The following STAT6 variants were observed in gnomAD, a reference collection of about 807,000 sequenced individuals.
STAT6 encodes the protein signal transducer and activator of transcription 6, also known as STAT, interleukin4-induced.
STAT6 carries 45 observed loss-of-function variants against 106.3 expected under a neutral mutation model. The observed-to-expected ratio is 0.42, with a 90% confidence interval of 0.33 to 0.54. The LOEUF (loss-of-function observed/expected upper bound fraction) is 0.54, where lower values mean the gene tolerates loss of function less well. Among genes scored for constraint, STAT6 ranks in the 20% least tolerant of loss-of-function variants. STAT6 has a pLI of 0.06. For missense variants in STAT6, 797 were observed against 1,062.2 expected (o/e 0.75, Z 3.47); for synonymous variants, 413 against 413.6 (o/e 1.00, Z 0.02).
At chr12:57,109,152 A>C (rs2034448044) in intron 1 of STAT6, among the ~76,000 whole-genome samples, 1 of 152,200 alleles carries the variant, frequency 6.6e-6, no homozygotes, top group Non-Finnish European at 1.5e-5. Context: ...CAGTGAGCAG[A>C]GATCGAGCCA....
chr12:57,098,645 C>A, intron 18 of STAT6, 48 bp from the exon 19 acceptor site: 1 of 1,590,508 alleles, frequency 6.3e-7, no homozygotes, highest in Non-Finnish European at 8.6e-7. Flanking sequence ...CTCCTGGACA[C>A]CACCACACCC....
Position 57,107,217 on chromosome 12 carries a change from G to A in STAT6, c.339+14C>T. On this transcript the variant is annotated intron_variant, in intron 4 of 21. Coordinates refer to ENST00000300134, the MANE Select transcript of STAT6 (RefSeq NM_003153.5). ...GGGGATTGAGTTGGGGTGGGAGGTG[G>A]AATATCACAATACCTGTTCCATAAC... 1 of 1,612,234 alleles carries A rather than the reference G, an allele frequency of 6.2e-7. No homozygotes were observed.
chr12:57,100,684 GAAAGAA>G (rs1451830778), intron 13 of STAT6, among the ~76,000 whole-genome samples: 1 of 66,132 alleles, frequency 1.5e-5, no homozygotes, highest in Non-Finnish European at 3.0e-5. Flanking sequence ...AAGAAAGAAA[GAAAGAA>G]AGAAAGAAAG....
In STAT6 at chr12:57,096,913, T is replaced by A; in HGVS notation, c.2291A>T (p.Asp764Val). 6.2e-7 allele frequency: 1 copy of A among 1,614,140 alleles called. No individual in the cohort carries two copies. Among genetic ancestry groups the A allele is most frequent in the Non-Finnish European group, 8.5e-7 (1 of 1,180,026 alleles). The change falls in exon 21 of 22, where the codon GAT becomes GTT. Residue 764 changes from aspartate to valine, a missense_variant. Asp to Val is a radical substitution (Grantham distance 152, BLOSUM62 -3). Around this residue, in one of 4 missense-constraint regions of STAT6, gnomAD observed 226 missense variants for 236.7 expected, o/e 0.95. Transcript: ENST00000300134. ...GCAGCTGTCTTCCACCATGGTCACA[T>A]CTGAGCAGAGCAGGGGGTCAGGGCT... ...VSSPDPLLCSDVTMVEDSCLS... is the reference protein window; with the variant it reads ...VSSPDPLLCSVVTMVEDSCLS...
Position 57,099,139 on chromosome 12 carries a change from G to A in STAT6, c.1892-61C>T. ...CTGGGGTTAGGGAGGAAGGGAGGTG[G>A]AAAAGGTGGGCATGGATCATGGGGA... On this transcript the variant is annotated intron_variant, in intron 16 of 21. Coordinates refer to ENST00000300134, the MANE Select transcript of STAT6 (RefSeq NM_003153.5). This position sits in a 1 kb window ranked among gnomAD's most constrained non-coding sequence, Gnocchi z 4.7. The A allele has an allele frequency of 6.2e-7, 1 of 1,606,550 alleles. No homozygotes were observed. The highest frequency in any genetic ancestry group is 8.5e-7 in the Non-Finnish European group (1 of 1,174,364).
Position 57,107,290 on chromosome 12 carries a change from T to A in STAT6, c.280A>T (p.Lys94Ter). The A allele has an allele frequency of 6.2e-7, 1 of 1,614,212 alleles. No individual in the cohort carries two copies. Among genetic ancestry groups the A allele is most frequent in the Non-Finnish European group, 8.5e-7 (1 of 1,180,034 alleles). ...LESIYQRDPL[K>*]LVATFRQILQ... ...ATTTGTCTGAAAGTGGCCACCAGCT[T>A]CAGGGGGTCCCTCTGATATATGCTC... Residue 94 changes from lysine to a stop codon, truncating the protein, a stop_gained, in exon 4 of 22, where the codon AAG becomes TAG. Transcript: ENST00000300134. LOFTEE classifies it high-confidence loss of function.
chr12:57,100,708 A>AAG (rs1565684780), intron 13 of STAT6: 226 of 53,196 alleles, frequency 4.2e-3, no homozygotes, highest in Non-Finnish European at 4.4e-3. Context: ...AAGAGAAAGA[A>AAG]AGAAAGAAAG....
chr12:57,108,401 TC>T, intron 1 of STAT6, 102 bp from the exon 2 acceptor site: 1 of 652,618 alleles, frequency 1.5e-6, no homozygotes, highest in Non-Finnish European at 2.8e-6. Context: ...CTAGGGACCG[TC>T]CCCACCACCA....
At chr12:57,101,930 C>T (rs2033960601) in intron 13 of STAT6, among the ~76,000 whole-genome samples, 1 of 152,160 alleles carries the variant, frequency 6.6e-6, no homozygotes, top group African/African-American at 2.4e-5. Flanking sequence ...ATGTCAAAGA[C>T]TGGGATTACA....
At chr12:57,109,141 G>C (rs1448055755) in intron 1 of STAT6, among the ~76,000 whole-genome samples, 1 of 152,152 alleles carries the variant, frequency 6.6e-6, no homozygotes, top group Non-Finnish European at 1.5e-5. Flanking sequence ...GGCGGAGCTT[G>C]CAGTGAGCAG....
rs1052395101 is a variant in STAT6, at chr12:57,104,488, G to A, written c.1188C>T (p.Pro396=). The change falls in exon 11 of 22, where the codon CCC becomes CCT. Residue 396 remains proline, a synonymous_variant. Transcript: ENST00000300134. ...CCTGGAGCTGGATGGGGAGTTTGCCGGGGCCAAGTGTGAAGCTGGCAGAGA... is the reference window on the plus strand; with the variant it reads ...CCTGGAGCTGGATGGGGAGTTTGCCAGGGCCAAGTGTGAAGCTGGCAGAGA... The part of the protein sequence containing the change: ...VLFSASFTLG[P]GKLPIQLQAL... 4.0e-5 allele frequency: 65 copies of A among 1,610,630 alleles called. No homozygotes were observed. The highest frequency in any genetic ancestry group is 1.1e-4 in the African/African-American group (8 of 74,998).
At position 57,097,146 on chromosome 12, in the gene STAT6, A is replaced by G; in HGVS notation, c.2160-13T>C. 4.6e-6 allele frequency: 7 copies of G among 1,507,870 alleles called. No homozygotes were observed. Among genetic ancestry groups the G allele is most frequent in the Non-Finnish European group, 6.2e-6 (7 of 1,128,984 alleles). The allele number at this position is 1,507,870 out of a possible 1,614,324, so 93.4% of individuals were successfully genotyped here. A position where few individuals can be genotyped will look rare whatever the true frequency, so the allele number is the denominator to read the frequency against. ...CTGCAGGTGAGGCCTGGAAGTAGGGAGAGCACAGTTAGAGGAAGGCAGGCT... is the reference window on the plus strand; with the variant it reads ...CTGCAGGTGAGGCCTGGAAGTAGGGGGAGCACAGTTAGAGGAAGGCAGGCT... On this transcript the variant is annotated splice_polypyrimidine_tract_variant and intron_variant, in intron 19 of 21. Coordinates refer to ENST00000300134, the MANE Select transcript of STAT6 (RefSeq NM_003153.5).
chr12:57,098,366 C>G (rs574677228), intron 19 of STAT6, 139 bp downstream of exon 19: 337 of 871,486 alleles, frequency 3.9e-4, no homozygotes, highest in South Asian at 6.8e-4. Flanking sequence ...AACTACTACC[C>G]CCTCATTAGA....
At position 57,105,358 on chromosome 12, in the gene STAT6, C is replaced by T; in HGVS notation, c.813-19G>A. The stretch of plus-strand genomic sequence containing the variant: ...GAAGCAACTGGGAGTGAGGAGGACA[C>T]AAGGGGAGTTGGGGGCTAGGTCCCT... On this transcript the variant is annotated intron_variant, in intron 8 of 21. Coordinates refer to ENST00000300134, the MANE Select transcript of STAT6 (RefSeq NM_003153.5). 6 of 1,612,570 alleles carry T rather than the reference C, an allele frequency of 3.7e-6. No homozygotes were observed. The highest frequency in any genetic ancestry group is 1.1e-5 in the South Asian group (1 of 91,016).
intron 11 of STAT6, 176 bp downstream of exon 11, chr12:57,104,288 T>C (rs1411166017): frequency 8.1e-6 from 7 of 864,816 alleles, no homozygotes; most frequent in Non-Finnish European, 1.0e-5. Flanking sequence ...TACCATTCCC[T>C]GCCCTGTGCA....
In STAT6 at chr12:57,099,617, T is replaced by C; in HGVS notation, c.1744+150A>G. The C allele has an allele frequency of 7.2e-7, 1 of 1,394,652 alleles. No individual in the cohort carries two copies. The highest frequency in any genetic ancestry group is 9.7e-7 in the Non-Finnish European group (1 of 1,028,504). 86.4% of individuals were successfully genotyped at this position (1,394,652 alleles called of 1,614,324 possible). On this transcript the variant is annotated intron_variant, in intron 15 of 21. Coordinates refer to ENST00000300134, the MANE Select transcript of STAT6 (RefSeq NM_003153.5). This position sits in a 1 kb window ranked among gnomAD's most constrained non-coding sequence, Gnocchi z 4.7. ...TCCCACAGAGCTCACAGTGAGAAGGTGAACATTTAGACCACAGAAGGAAGA... is the reference window on the plus strand; with the variant it reads ...TCCCACAGAGCTCACAGTGAGAAGGCGAACATTTAGACCACAGAAGGAAGA...
chr12:57,103,284 C>G (rs1469490444), intron 11 of STAT6: 1 of 167,262 alleles, frequency 6.0e-6, no homozygotes, highest in African/African-American at 2.4e-5. Flanking sequence ...CCTGCTTCAG[C>G]CTCCCGAGTA....
intron 7 of STAT6, 74 bp from the exon 8 acceptor site, chr12:57,105,673 C>A: frequency 1.3e-6 from 2 of 1,538,702 alleles, no homozygotes; most frequent in Admixed American, 2.0e-5. Context: ...TTCCCCTATA[C>A]CCAGGGAGAA....
chr12:57,104,851 A>C, intron 9 of STAT6, 38 bp from the exon 10 acceptor site: 449 of 1,601,282 alleles, frequency 2.8e-4, no homozygotes, highest in Non-Finnish European at 3.5e-4. Flanking sequence ...AGCTCATCTC[A>C]CTGTCGTCAG....
Sources: gnomAD v4.1 joint callset for allele counts (sites outside exome capture counted in the v4.1 genomes callset) on GRCh38, gnomAD v4.1.1 for gene constraint, gnomAD v4.1.1 regional missense constraint, Gnocchi (gnomAD v3.1) non-coding constraint, MANE v1.5 for transcripts, NCBI Gene and HGNC (gene_info 2026-07-23, HGNC 2026-07-21) for gene names.